Variants in CBFB observed in about 807,000 individuals in gnomAD.
CBFB encodes the protein core-binding factor subunit beta.
CBFB carries 9 observed loss-of-function variants against 30.4 expected under a neutral mutation model. The ratio of observed to expected loss-of-function variants is 0.30; its 90% CI spans 0.18 to 0.52. The LOEUF (loss-of-function observed/expected upper bound fraction) is 0.52, where lower values mean the gene tolerates loss of function less well. Ranked by LOEUF, CBFB falls within the 20% of genes least tolerant of loss-of-function variation. The pLI is 0.97. For synonymous variants in CBFB, 94 were observed against 84.0 expected, an observed-to-expected ratio of 1.12 and a Z score of -0.65; for missense variants, 170 against 244.0, an observed-to-expected ratio of 0.70 and a Z score of 2.02.
intron 5 of CBFB, among the ~76,000 whole-genome samples, chr16:67,091,516 A>G (rs1035614190): frequency 2.0e-5 from 3 of 152,222 alleles, no homozygotes; most frequent in African/African-American, 7.2e-5. Flanking sequence ...CTAAGGTGAC[A>G]TAGCTGAAGT....
chr16:67,040,894 C>T (rs1410424384), intron 3 of CBFB, among the ~76,000 whole-genome samples: 1 of 152,028 alleles, frequency 6.6e-6, no homozygotes, highest in Non-Finnish European at 1.5e-5. Flanking sequence ...GAGAGATGTT[C>T]CGGACAAAGG....
At chr16:67,092,581 C>A (rs991228500) in intron 5 of CBFB, among the ~76,000 whole-genome samples, 32 of 151,280 alleles carry the variant, frequency 2.1e-4, no homozygotes, top group African/African-American at 7.0e-4. Context: ...CTCTAAAATT[C>A]TATAATTCTG....
intron 4 of CBFB, among the ~76,000 whole-genome samples, chr16:67,079,759 C>G (rs760583988): frequency 1.1e-4 from 16 of 152,072 alleles, no homozygotes; most frequent in Non-Finnish European, 2.2e-4. Flanking sequence ...CGTGGCCACC[C>G]CTTGCTGCAG....
At chr16:67,077,647 A>G (rs1283892877) in intron 4 of CBFB, among the ~76,000 whole-genome samples, 1 of 152,228 alleles carries the variant, frequency 6.6e-6, no homozygotes, top group East Asian at 1.9e-4. Flanking sequence ...GATGTTCATC[A>G]TCAACTGTCT....
chr16:67,085,998 T>C (rs1304777502), intron 5 of CBFB, among the ~76,000 whole-genome samples: 1 of 152,166 alleles, frequency 6.6e-6, no homozygotes, highest in Non-Finnish European at 1.5e-5. Context: ...TATCTTTTAG[T>C]GATTGCTAGA....
chr16:67,064,269 C>T (rs1960991889), intron 3 of CBFB, among the ~76,000 whole-genome samples: 2 of 152,282 alleles, frequency 1.3e-5, no homozygotes, highest in Middle Eastern at 3.4e-3. Context: ...TGCAGTGGCA[C>T]GATCTCAGTT....
chr16:67,079,687 A>G (rs1190850513), intron 4 of CBFB, among the ~76,000 whole-genome samples: 3 of 152,160 alleles, frequency 2.0e-5, no homozygotes, highest in Admixed American at 6.6e-5. Context: ...AAATGTCTCA[A>G]ACTTTCTTGG....
intron 3 of CBFB, among the ~76,000 whole-genome samples, chr16:67,046,701 A>C (rs1339669949): frequency 6.6e-6 from 1 of 152,134 alleles, no homozygotes; most frequent in East Asian, 1.9e-4. Flanking sequence ...ACATACATGC[A>C]CTGATACTTT....
chr16:67,041,413 G>A (rs920879864), intron 3 of CBFB, among the ~76,000 whole-genome samples: 5 of 152,172 alleles, frequency 3.3e-5, no homozygotes, highest in Admixed American at 2.6e-4. Context: ...TATCCTGGAT[G>A]TATTTTGAGA....
At chr16:67,030,269 C>T (rs751322197) in intron 2 of CBFB, 19 of 156,698 alleles carry the variant, frequency 1.2e-4, no homozygotes, top group South Asian at 1.9e-4. Context: ...AGAAATCTTT[C>T]CTCCAGTTAT....
intron 4 of CBFB, 72 bp from the exon 5 acceptor site, chr16:67,082,141 A>AC (rs1961575697): frequency 4.0e-5 from 52 of 1,316,206 alleles, no homozygotes; most frequent in South Asian, 1.1e-4. Flanking sequence ...AAAAAAAAAA[A>AC]AAAACAAAAC....
At position 67,086,924 on chromosome 16, in the gene CBFB, T is replaced by C. The variant is rs1961747349; in HGVS notation, c.495+4616T>C. 2.6e-5 allele frequency among the ~76,000 whole-genome samples: 4 copies of C among 152,010 alleles called. No homozygotes were observed. The South Asian group carries it at 8.3e-4, about 31-fold the overall frequency. On this transcript the variant is annotated intron_variant, in intron 5 of 5. Coordinates refer to ENST00000412916, the MANE Select transcript of CBFB (RefSeq NM_022845.3). ...AGAGGAAGCTTAAGTCTGCCTCTGC[T>C]TGGGAAATTCACAGGGTAGTATACT...
chr16:67,098,722 C>T lies in CBFB; in HGVS notation c.508C>T (p.Gln170Ter), dbSNP rs1238322571. The change falls in exon 6 of 6, where the codon CAA becomes TAA. Residue 170 changes from glutamine to a stop codon, truncating the protein, a stop_gained. Transcript: ENST00000412916. LOFTEE classifies it high-confidence loss of function. ...HREEMEARRQ[Q>*]DPSPGSNLGG... ...TTTGTCATTGCAGGCAAGAAGACAA[C>T]AAGACCCTAGTCCTGGTTCCAATTT... is the stretch of plus-strand genomic sequence containing the variant. 1.2e-6 allele frequency: 2 copies of T among 1,608,608 alleles called. No homozygotes were observed. The highest frequency in any genetic ancestry group is 1.7e-6 in the Non-Finnish European group (2 of 1,175,208).
intron 3 of CBFB, among the ~76,000 whole-genome samples, chr16:67,064,237 A>G (rs1427826119): frequency 6.6e-6 from 1 of 152,118 alleles, no homozygotes; most frequent in African/African-American, 2.4e-5. Flanking sequence ...GACAGAGTCT[A>G]GCTTTGTCAC....
chr16:67,033,824 T>A (rs1176558497), intron 2 of CBFB, among the ~76,000 whole-genome samples: 11 of 145,764 alleles, frequency 7.5e-5, no homozygotes, highest in Admixed American at 7.5e-4. Context: ...CCGTTGTTTT[T>A]TTTTTTTTTT....
At chr16:67,075,846 C>T (rs1961381370) in intron 4 of CBFB, among the ~76,000 whole-genome samples, 1 of 152,186 alleles carries the variant, frequency 6.6e-6, no homozygotes, top group South Asian at 2.1e-4. Flanking sequence ...TATGGTGCCT[C>T]ACCCTTGTAA....
chr16:67,098,725 G>C lies in CBFB; in HGVS notation c.511G>C (p.Asp171His). Reference protein sequence around the residue: ...REEMEARRQQDPSPGSNLGGG... With the variant: ...REEMEARRQQHPSPGSNLGGG... ...GTCATTGCAGGCAAGAAGACAACAA[G>C]ACCCTAGTCCTGGTTCCAATTTAGG... is the stretch of plus-strand genomic sequence containing the variant. Residue 171 changes from aspartate to histidine, a missense_variant, in exon 6 of 6, where the codon GAC (aspartate) becomes CAC (histidine). Transcript: ENST00000412916. The C allele has an allele frequency of 6.2e-7, 1 of 1,609,128 alleles. No homozygotes were observed. Among genetic ancestry groups the C allele is most frequent in the Non-Finnish European group, 8.5e-7 (1 of 1,175,750 alleles).
chr16:67,037,220 T>G (rs1966456342), intron 3 of CBFB, among the ~76,000 whole-genome samples: 1 of 152,224 alleles, frequency 6.6e-6, no homozygotes, highest in African/African-American at 2.4e-5. Flanking sequence ...AAAACCACTG[T>G]TAAACTTTTG....
chr16:67,065,112 T>C (rs1381117835), intron 3 of CBFB, among the ~76,000 whole-genome samples: 1 of 152,200 alleles, frequency 6.6e-6, no homozygotes, highest in Non-Finnish European at 1.5e-5. Context: ...TTGGCCAGGC[T>C]GGTCTGAAAC....
Sources: allele counts gnomAD v4.1 joint callset (sites outside exome capture counted in the v4.1 genomes callset), GRCh38; gene constraint gnomAD v4.1.1; transcripts MANE v1.5; gene names NCBI Gene and HGNC (gene_info 2026-07-23, HGNC 2026-07-21).